SPAG17: variants seen among roughly 807,000 people sequenced by gnomAD.
The protein encoded by SPAG17 is sperm-associated antigen 17.
Under a neutral mutation model 273.6 loss-of-function variants are expected in SPAG17, and 169 were observed. That is an observed-to-expected ratio of 0.62 (90% confidence interval 0.55 to 0.70). SPAG17 has a LOEUF of 0.70. Ranked by LOEUF, SPAG17 falls within the 30% of genes least tolerant of loss-of-function variation. SPAG17 has a pLI of 0.00. For missense variants in SPAG17, 2,557 were observed against 2,627.8 expected (o/e 0.97, Z 0.59); for synonymous variants, 825 against 873.2 (o/e 0.94, Z 0.97).
At chr1:118,171,385 T>G (rs1224485418) in intron 1 of SPAG17, among the ~76,000 whole-genome samples, 1 of 152,304 alleles carries the variant, frequency 6.6e-6, no homozygotes, top group East Asian at 1.9e-4. Flanking sequence ...TTTTCTGTAC[T>G]TTTTTGGAGC....
intron 4 of SPAG17, among the ~76,000 whole-genome samples, chr1:118,111,011 T>TAC (rs1656723606): frequency 6.6e-6 from 1 of 152,198 alleles, no homozygotes; most frequent in South Asian, 2.1e-4. Context: ...TAATACTCTG[T>TAC]ACCTCATAAA....
intron 3 of SPAG17, among the ~76,000 whole-genome samples, chr1:118,123,797 A>T (rs923345038): frequency 1.1e-4 from 17 of 152,362 alleles, no homozygotes; most frequent in Non-Finnish European, 2.2e-4. Flanking sequence ...AAAAGTTGGT[A>T]ACATAATAAC....
chr1:117,996,541 G>C, intron 33 of SPAG17, 41 bp from the exon 34 acceptor site: 1 of 1,603,692 alleles, frequency 6.2e-7, no homozygotes, highest in Non-Finnish European at 8.5e-7. Context: ...CAAGTATTCC[G>C]TTAAAATTCT....
intron 24 of SPAG17, among the ~76,000 whole-genome samples, chr1:118,035,337 A>AG (rs1307430113): frequency 1.3e-5 from 2 of 152,222 alleles, no homozygotes; most frequent in Non-Finnish European, 2.9e-5. Context: ...ACTCAGGAGT[A>AG]GGAGCAACAG....
intron 21 of SPAG17, 58 bp from the exon 22 acceptor site, chr1:118,040,899 TATC>T (rs1485620077): frequency 4.2e-6 from 5 of 1,178,718 alleles, no homozygotes; most frequent in African/African-American, 1.5e-5. Flanking sequence ...AAAATCAACT[TATC>T]AGTGTTAGCC....
chr1:118,058,723 C>G (rs1412592513), intron 18 of SPAG17, among the ~76,000 whole-genome samples: 1 of 152,058 alleles, frequency 6.6e-6, no homozygotes, highest in East Asian at 1.9e-4. Context: ...TCTACACTAA[C>G]CTAGTGAAAT....
chr1:118,005,381 A>T (rs753259272), intron 32 of SPAG17, 33 bp downstream of exon 32: 2 of 1,534,650 alleles, frequency 1.3e-6, no homozygotes, highest in Non-Finnish European at 1.8e-6. Context: ...GCAAAGCCAC[A>T]GGCTCTCTCT....
Position 118,140,210 on chromosome 1 carries a change from C to T in SPAG17, c.315+10333G>A, listed in dbSNP as rs1463817613. ...AGGTATTGTTATAAGCAACAGAATA[C>T]AGACTAAGACAATAGTCAAAAGGTA... On this transcript the variant is annotated intron_variant, in intron 3 of 48. Transcript: ENST00000336338. Among the ~76,000 whole-genome samples, 2 of 152,102 alleles carry T rather than the reference C, an allele frequency of 1.3e-5. 1 individual carries two copies. The highest frequency in any genetic ancestry group is 4.1e-4 in the South Asian group (2 of 4,828).
chr1:118,041,762 A>G (rs1649781858), intron 21 of SPAG17, 41 bp downstream of exon 21: 1 of 1,580,944 alleles, frequency 6.3e-7, no homozygotes, highest in Non-Finnish European at 8.5e-7. Context: ...AACAATTAGG[A>G]ATAGCCCAAA....
intron 6 of SPAG17, among the ~76,000 whole-genome samples, 169 bp downstream of exon 6, chr1:118,099,437 T>C (rs1458018305): frequency 6.6e-6 from 1 of 152,182 alleles, no homozygotes; most frequent in Non-Finnish European, 1.5e-5. Flanking sequence ...ATTTGCAAAA[T>C]TTACAACACT....
intron 1 of SPAG17, among the ~76,000 whole-genome samples, chr1:118,179,769 A>T (rs1021904377): frequency 6.2e-4 from 94 of 152,172 alleles, no homozygotes; most frequent in Non-Finnish European, 1.1e-3. Flanking sequence ...AATCTGATTT[A>T]AAAATAGGCA....
intron 1 of SPAG17, among the ~76,000 whole-genome samples, chr1:118,171,585 A>C (rs1660419788): frequency 6.6e-6 from 1 of 152,182 alleles, no homozygotes; most frequent in Non-Finnish European, 1.5e-5. Flanking sequence ...AAGATTTACT[A>C]AGGATGAAGT....
At chr1:118,013,822 G>A (rs1170737488) in intron 29 of SPAG17, among the ~76,000 whole-genome samples, 2 of 152,050 alleles carry the variant, frequency 1.3e-5, no homozygotes, top group Non-Finnish European at 2.9e-5. Context: ...CAGTAACAAG[G>A]ATATTTCTGA....
In SPAG17 at chr1:117,954,499, ATACAGT is replaced by A. The variant is rs2101240753; in HGVS notation, c.*1-456_*1-451del. The A allele has an allele frequency of 4.4e-6, 6 of 1,367,310 alleles. No homozygotes were observed. In the East Asian group the frequency reaches 1.4e-4, roughly 32 times the overall value. The allele number at this position is 1,367,310 out of a possible 1,614,324, so 84.7% of individuals were successfully genotyped here. A position where few individuals can be genotyped will look rare whatever the true frequency, so the allele number is the denominator to read the frequency against. The stretch of plus-strand genomic sequence containing the variant: ...TTTTTTCCCTTTTCAAAATTATAAA[ATACAGT>A]TACCACTCTGTCTATAACAAGTGCT... On this transcript the variant is annotated intron_variant, in intron 48 of 48. Coordinates refer to ENST00000336338, the MANE Select transcript of SPAG17 (RefSeq NM_206996.4).
chr1:118,029,629 T>C (rs1270891576), intron 25 of SPAG17, among the ~76,000 whole-genome samples: 2 of 152,220 alleles, frequency 1.3e-5, no homozygotes, highest in African/African-American at 4.8e-5. Flanking sequence ...CCTAATTAAT[T>C]TTATGTCAGC....
intron 43 of SPAG17, among the ~76,000 whole-genome samples, chr1:117,978,177 C>G (rs1012683155): frequency 3.9e-5 from 6 of 152,322 alleles, no homozygotes; most frequent in African/African-American, 1.4e-4. Context: ...GCAGTCCCTC[C>G]CTTCTTGTTT....
chr1:118,055,822 A>T lies in SPAG17; in HGVS notation c.2633T>A (p.Ile878Asn). The change falls in exon 19 of 49, where the codon ATC becomes AAC. Residue 878 changes from isoleucine (I) to asparagine (N), a missense_variant. Ile to Asn is a moderately radical substitution (Grantham distance 149, BLOSUM62 -3). Transcript: ENST00000336338. ...YQESKMNEKI[I>N]RTRAELELKS... ...CAATTCCAGCTCAGCTCTGGTCCTG[A>T]TGATTTTCTCATTCATTTTAGATTC... is the stretch of plus-strand genomic sequence containing the variant. 1 of 1,613,134 alleles carries T rather than the reference A, an allele frequency of 6.2e-7. No individual in the cohort carries two copies. Among genetic ancestry groups the T allele is most frequent in the African/African-American group, 1.3e-5 (1 of 75,004 alleles).
chr1:118,129,507 T>C (rs1657935443), intron 3 of SPAG17, among the ~76,000 whole-genome samples: 1 of 152,220 alleles, frequency 6.6e-6, no homozygotes, highest in Admixed American at 6.5e-5. Flanking sequence ...TTGAGAACCA[T>C]TGTTTTGTAC....
chr1:118,160,311 T>C (rs527710207), intron 1 of SPAG17, among the ~76,000 whole-genome samples: 2 of 152,378 alleles, frequency 1.3e-5, no homozygotes, highest in Non-Finnish European at 2.9e-5. Context: ...TAATGTTAGC[T>C]CATTACTTAC....
Sources: gnomAD v4.1 joint callset for allele counts (sites outside exome capture counted in the v4.1 genomes callset) on GRCh38, gnomAD v4.1.1 for gene constraint, MANE v1.5 for transcripts, NCBI Gene and HGNC (gene_info 2026-07-23, HGNC 2026-07-21) for gene names.